Variants in LMNA observed in about 807,000 individuals in gnomAD.
The protein encoded by LMNA is lamin A/C, also known as lamin.
A neutral mutation model predicts 70.4 loss-of-function variants in LMNA; 20 were observed. The ratio of observed to expected loss-of-function variants is 0.28; its 90% CI spans 0.20 to 0.41. The LOEUF is 0.41. Ranked by LOEUF, LMNA falls within the 10% of genes least tolerant of loss-of-function variation. LMNA has a pLI of 1.00. For synonymous variants in LMNA, 339 were observed against 372.8 expected (o/e 0.91, Z 1.04); for missense variants, 652 against 917.2 (o/e 0.71, Z 3.73).
At position 156,134,843 on chromosome 1, in the gene LMNA, G is replaced by A. The variant is rs964377328; in HGVS notation, c.678G>A (p.Leu226=). 8 of 1,614,126 alleles carry A rather than the reference G, an allele frequency of 5.0e-6. No homozygotes were observed. Among genetic ancestry groups the A allele is most frequent in the South Asian group, 1.1e-5 (1 of 91,092 alleles). ...RETKRRHETR[L]VEIDNGKQRE... is the part of the protein sequence containing the mutation. ...CCAAGCGCCGTCATGAGACCCGACT[G>A]GTGGAGATTGACAATGGGAAGCAGC... The change falls in exon 4 of 12, where the codon CTG becomes CTA. Residue 226 remains leucine, a synonymous_variant. Coordinates refer to ENST00000368300, the MANE Select transcript of LMNA (RefSeq NM_170707.4). This position sits in a 1 kb window ranked among gnomAD's most constrained non-coding sequence, Gnocchi z 5.3.
At chr1:156,086,428 TG>T (rs1648479851) in intron 2 of LMNA, among the ~76,000 whole-genome samples, 1 of 115,518 alleles carries the variant, frequency 8.7e-6, no homozygotes, top group Non-Finnish European at 1.7e-5. Flanking sequence ...CTCTCTCTTT[TG>T]TCTTTCTTAC....
chr1:156,090,144 C>T (rs112575745), intron 2 of LMNA, among the ~76,000 whole-genome samples: 4 of 152,082 alleles, frequency 2.6e-5, no homozygotes, highest in African/African-American at 9.7e-5. Flanking sequence ...AAGGTACTAA[C>T]GAGATTCTGC....
upstream of LMNA, among the ~76,000 whole-genome samples, chr1:156,110,729 A>G (rs1649503493): frequency 6.6e-6 from 1 of 152,100 alleles, no homozygotes. Context: ...TAATCCCAGC[A>G]CTTTGAGAGG....
rs1260518330 is a variant in LMNA, at chr1:156,134,287, C to T, written c.514-116C>T. On this transcript the variant is annotated intron_variant, in intron 2 of 11. Coordinates refer to ENST00000368300, the MANE Select transcript of LMNA (RefSeq NM_170707.4). The surrounding 1 kb of genome is among the most constrained non-coding windows in gnomAD (Gnocchi z 5.3). ...TGCAGGCATCCAAGGCCCTCCTTCCCTGGACCTGTTTCCACATGTGTGAAG... is the reference window on the plus strand; with the variant it reads ...TGCAGGCATCCAAGGCCCTCCTTCCTTGGACCTGTTTCCACATGTGTGAAG... 8.4e-7 allele frequency: 1 copy of T among 1,196,308 alleles called. No individual in the cohort carries two copies. Among genetic ancestry groups the T allele is most frequent in the Non-Finnish European group, 1.2e-6 (1 of 830,880 alleles). The allele number at this position is 1,196,308 out of a possible 1,614,324, so 74.1% of individuals were successfully genotyped here. A position where few individuals can be genotyped will look rare whatever the true frequency, so the allele number is the denominator to read the frequency against.
chr1:156,136,456 C>T lies in LMNA; in HGVS notation c.1380+20C>T. The T allele has an allele frequency of 6.4e-7, 1 of 1,551,070 alleles. No individual in the cohort carries two copies. ...AATGAGGTAGGCTCCTGCTCAGGGT[C>T]TAAGGGGATACAGCTGCATCAGGGA... On this transcript the variant is annotated intron_variant, in intron 7 of 11. Transcript: ENST00000368300. This position sits in a 1 kb window ranked among gnomAD's most constrained non-coding sequence, Gnocchi z 6.1.
chr1:156,110,774 G>C (rs1177080967), upstream of LMNA, among the ~76,000 whole-genome samples: 1 of 152,116 alleles, frequency 6.6e-6, no homozygotes, highest in African/African-American at 2.4e-5. Flanking sequence ...TCAGGAGTTC[G>C]AGACCAGCCT....
In LMNA at chr1:156,093,498, G is replaced by T. The variant is rs145113239; in HGVS notation, c.-207+2916G>T. 4.5e-3 allele frequency among the ~76,000 whole-genome samples: 687 copies of T among 151,562 alleles called. 4 individuals are homozygous for T. Among genetic ancestry groups the T allele is most frequent in the African/African-American group, 0.016 (661 of 41,286 alleles). On this transcript the variant is annotated intron_variant, in intron 3 of 12. Transcript: ENST00000368301. ...TTTTTGTAATTTTTTTAGAGACAGG[G>T]TTTCACCATATTGCCCAGGCTGATC...
upstream of LMNA, among the ~76,000 whole-genome samples, chr1:156,114,131 C>A (rs114186689): frequency 7.3e-3 from 1,111 of 152,322 alleles, 10 homozygotes; most frequent in African/African-American, 0.025. Flanking sequence ...GGTTCCAGAA[C>A]TTTGCTCCCC....
rs566361222 is a variant in LMNA, at chr1:156,129,570, T to C, written c.357-1047T>C. ...TGCTTAAGCACTGATGAGTTACAGA[T>C]GGCAGCTGGAACCAGGTCCTCTGGA... is the stretch of plus-strand genomic sequence containing the variant. On this transcript the variant is annotated intron_variant, in intron 1 of 11. Coordinates refer to ENST00000368300, the MANE Select transcript of LMNA (RefSeq NM_170707.4). 1.2e-4 allele frequency among the ~76,000 whole-genome samples: 19 copies of C among 152,308 alleles called. No individual in the cohort carries two copies. The East Asian group carries it at 3.3e-3, about 26-fold the overall frequency.
upstream of LMNA, among the ~76,000 whole-genome samples, chr1:156,113,729 CCA>C (rs1558114957): frequency 1.3e-5 from 2 of 152,170 alleles, no homozygotes; most frequent in Non-Finnish European, 2.9e-5. Context: ...CCTCTGGGAA[CCA>C]CAGAAATCTG....
At chr1:156,101,095 T>C (rs565484901) in intron 3 of LMNA, among the ~76,000 whole-genome samples, 2 of 152,142 alleles carry the variant, frequency 1.3e-5, no homozygotes, top group South Asian at 4.1e-4. Flanking sequence ...CGGAGGGCAT[T>C]ACAAGTCAGG....
rs1558134531 is a variant in LMNA, at chr1:156,138,209, CTT to C, written c.1699-278_1699-277del. 10 of 577,736 alleles carry C rather than the reference CTT, an allele frequency of 1.7e-5. No homozygotes were observed. The highest frequency in any genetic ancestry group is 2.8e-5 in the Non-Finnish European group (9 of 323,948). 35.8% of individuals were successfully genotyped at this position (577,736 alleles called of 1,614,324 possible). A position where few individuals can be genotyped will look rare whatever the true frequency, so the allele number is the denominator to read the frequency against. ...CCCTACAAGCTTGCTCCCGTTCTCTCTTCTTTTCCTCTTAAGCTCAGAGTAGC... is the reference window on the plus strand; with the variant it reads ...CCCTACAAGCTTGCTCCCGTTCTCTCCTTTTCCTCTTAAGCTCAGAGTAGC... On this transcript the variant is annotated intron_variant, in intron 10 of 11. Coordinates refer to ENST00000368300, the MANE Select transcript of LMNA (RefSeq NM_170707.4). The surrounding 1 kb of genome is among the most constrained non-coding windows in gnomAD (Gnocchi z 5.5).
intron 1 of LMNA, chr1:156,126,117 A>T: frequency 3.4e-6 from 5 of 1,466,536 alleles, no homozygotes; most frequent in Non-Finnish European, 4.5e-6. Context: ...ACCCGGCCAC[A>T]GGGGGCGATG....
Position 156,130,865 on chromosome 1 carries a change from C to T in LMNA, c.513+92C>T, listed in dbSNP as rs1352541638. 1.2e-5 allele frequency: 15 copies of T among 1,257,038 alleles called. No homozygotes were observed. In the South Asian group the frequency reaches 1.7e-4, roughly 14 times the overall value. 77.9% of individuals were successfully genotyped at this position (1,257,038 alleles called of 1,614,324 possible). ...GGCCCTCCCCCATGTGGTGCCTGGT[C>T]TGACCTGTCACCTGATTTCAGAGCC... On this transcript the variant is annotated intron_variant, in intron 2 of 11. Coordinates refer to ENST00000368300, the MANE Select transcript of LMNA (RefSeq NM_170707.4).
chr1:156,119,296 T>G (rs1650040810), intron 1 of LMNA, among the ~76,000 whole-genome samples: 1 of 152,176 alleles, frequency 6.6e-6, no homozygotes, highest in South Asian at 2.1e-4. Context: ...TTTTGTATTT[T>G]TAGTAGAGTT....
In LMNA at chr1:156,136,210, C is replaced by A. The variant is rs2102889270; in HGVS notation, c.1158-4C>A. ...AGACCCCCACTTGGTCTCCCTCTCC[C>A]CAGGCTACGCCTGTCCCCCAGCCCT... On this transcript the variant is annotated splice_region_variant and splice_polypyrimidine_tract_variant and intron_variant, in intron 6 of 11. Transcript: ENST00000368300. This position sits in a 1 kb window ranked among gnomAD's most constrained non-coding sequence, Gnocchi z 6.1. The A allele has an allele frequency of 6.2e-7, 1 of 1,612,752 alleles. No homozygotes were observed. Among genetic ancestry groups the A allele is most frequent in the South Asian group, 1.1e-5 (1 of 91,082 alleles).
chr1:156,114,251 T>A (rs1572330902), upstream of LMNA, among the ~76,000 whole-genome samples: 1 of 152,074 alleles, frequency 6.6e-6, no homozygotes, highest in Non-Finnish European at 1.5e-5. Context: ...CTATTACTAC[T>A]GGGAGGACAG....
Position 156,137,550 on chromosome 1 carries a change from A to C in LMNA, c.1609-104A>C, listed in dbSNP as rs1651767221. 1 of 1,085,952 alleles carries C rather than the reference A, an allele frequency of 9.2e-7. No individual in the cohort carries two copies. Among genetic ancestry groups the C allele is most frequent in the Admixed American group, 2.0e-5 (1 of 50,448 alleles). 67.3% of individuals were successfully genotyped at this position (1,085,952 alleles called of 1,614,324 possible). On this transcript the variant is annotated intron_variant, in intron 9 of 11. Coordinates refer to ENST00000368300, the MANE Select transcript of LMNA (RefSeq NM_170707.4). The surrounding 1 kb of genome is among the most constrained non-coding windows in gnomAD (Gnocchi z 4.6). ...GGACAGAGTAAGCAGCAGGCCGGAC[A>C]AAGGGCAGGCCACAAGAAAAGTTGC...
chr1:156,101,811 TAGAAC>T (rs1211979952), intron 3 of LMNA, among the ~76,000 whole-genome samples: 1 of 152,058 alleles, frequency 6.6e-6, no homozygotes, highest in Non-Finnish European at 1.5e-5. Context: ...AGGTAGAACA[TAGAAC>T]AGATAACAAT....
Sources: allele counts gnomAD v4.1 joint callset (sites outside exome capture counted in the v4.1 genomes callset), GRCh38; gene constraint gnomAD v4.1.1; non-coding constraint Gnocchi (gnomAD v3.1); transcripts MANE v1.5; gene names NCBI Gene and HGNC (gene_info 2026-07-23, HGNC 2026-07-21).